LDLRAD3: variants seen among roughly 807,000 people sequenced by gnomAD.
LDLRAD3 encodes low-density lipoprotein receptor class A domain-containing protein 3.
LDLRAD3 carries 20 observed loss-of-function variants against 29.4 expected under a neutral mutation model. The observed-to-expected ratio is 0.68, with a 90% CI of 0.48 to 0.99. The LOEUF (loss-of-function observed/expected upper bound fraction) is 0.99. Among genes scored for constraint, LDLRAD3 ranks in the 50% least tolerant of loss-of-function variants. The pLI is 0.00. For missense variants in LDLRAD3, 420 were observed against 454.3 expected (o/e 0.92, Z 0.69); for synonymous variants, 157 against 192.7 (o/e 0.81, Z 1.53).
chr11:36,082,575 AG>A (rs746711139), intron 3 of LDLRAD3, among the ~76,000 whole-genome samples: 10 of 152,308 alleles, frequency 6.6e-5, no homozygotes, highest in Non-Finnish European at 1.0e-4. Flanking sequence ...AAACAGTTCA[AG>A]TAGCATAGAT....
In LDLRAD3 at chr11:36,007,469, C is replaced by A. The variant is rs112186528; in HGVS notation, c.47-28634C>A. 2.8e-3 allele frequency among the ~76,000 whole-genome samples: 428 copies of A among 152,224 alleles called. 3 individuals carry two copies. The highest frequency in any genetic ancestry group is 0.01 in the African/African-American group (417 of 41,548). On this transcript the variant is annotated intron_variant, in intron 1 of 5. Coordinates refer to ENST00000315571, the MANE Select transcript of LDLRAD3 (RefSeq NM_174902.4). ...CTGAGATCACCCTCTGGTAGGGAGG[C>A]TGGTTAATCATGTTTCCTTTGTGCA...
chr11:36,000,645 G>T (rs2133177204), intron 1 of LDLRAD3, among the ~76,000 whole-genome samples: 1 of 152,252 alleles, frequency 6.6e-6, no homozygotes, highest in Middle Eastern at 3.4e-3. Flanking sequence ...AGGTTGTTTG[G>T]GGTGTCTGGA....
At chr11:36,145,814 G>T (rs11033462) in intron 4 of LDLRAD3, among the ~76,000 whole-genome samples, 3 of 148,436 alleles carry the variant, frequency 2.0e-5, no homozygotes, top group Non-Finnish European at 4.5e-5. Flanking sequence ...GCAGCATGCT[G>T]GTTAAGAGTC....
At chr11:36,052,815 A>G (rs1367345391) in intron 2 of LDLRAD3, among the ~76,000 whole-genome samples, 1 of 152,226 alleles carries the variant, frequency 6.6e-6, no homozygotes, top group Non-Finnish European at 1.5e-5. Context: ...CTTTAAGTAC[A>G]TGCAACTGGT....
At chr11:35,952,441 A>G (rs1251857582) in intron 1 of LDLRAD3, among the ~76,000 whole-genome samples, 1 of 152,222 alleles carries the variant, frequency 6.6e-6, no homozygotes, top group Non-Finnish European at 1.5e-5. Flanking sequence ...GATTCTACTC[A>G]AATGGCCTGT....
chr11:36,010,119 T>C (rs943866831), intron 1 of LDLRAD3: 1 of 154,390 alleles, frequency 6.5e-6, no homozygotes, highest in African/African-American at 2.4e-5. Flanking sequence ...CTCTCTGTAT[T>C]GCTTGTTACA....
At chr11:36,183,983 C>T (rs773775892) in intron 4 of LDLRAD3, 41 of 262,878 alleles carry the variant, frequency 1.6e-4, no homozygotes, top group African/African-American at 7.0e-4. Flanking sequence ...TTTTTTTTCC[C>T]GAGATGGAGT....
At chr11:36,073,668 A>T (rs1330456369) in intron 2 of LDLRAD3, among the ~76,000 whole-genome samples, 1 of 152,276 alleles carries the variant, frequency 6.6e-6, no homozygotes, top group Non-Finnish European at 1.5e-5. Context: ...TGTAAATCAT[A>T]ACAGGACAGG....
At chr11:35,958,616 T>A (rs1270948890) in intron 1 of LDLRAD3, among the ~76,000 whole-genome samples, 1 of 152,200 alleles carries the variant, frequency 6.6e-6, no homozygotes, top group African/African-American at 2.4e-5. Flanking sequence ...GTCTGATCAT[T>A]GGTGTTACTA....
At chr11:35,994,950 C>G (rs1851735556) in intron 1 of LDLRAD3, among the ~76,000 whole-genome samples, 1 of 152,204 alleles carries the variant, frequency 6.6e-6, no homozygotes, top group Non-Finnish European at 1.5e-5. Context: ...TTCTTTTGCT[C>G]TTTCCACTAC....
At chr11:36,154,562 TG>T (rs749493735) in intron 4 of LDLRAD3, among the ~76,000 whole-genome samples, 4 of 152,214 alleles carry the variant, frequency 2.6e-5, no homozygotes, top group Non-Finnish European at 4.4e-5. Context: ...AATTGTTTGT[TG>T]TTGTCTAACC....
intron 4 of LDLRAD3, among the ~76,000 whole-genome samples, chr11:36,217,280 T>C (rs1003152234): frequency 2.0e-5 from 3 of 152,048 alleles, no homozygotes; most frequent in African/African-American, 4.8e-5. Context: ...CACTGTGGAG[T>C]ACCTGTTGTA....
chr11:36,032,985 C>T (rs1852254524), intron 1 of LDLRAD3, among the ~76,000 whole-genome samples: 1 of 152,002 alleles, frequency 6.6e-6, no homozygotes, highest in Non-Finnish European at 1.5e-5. Flanking sequence ...AGCGATTCTC[C>T]TGCCTCAGAC....
chr11:36,157,458 A>G, intron 4 of LDLRAD3, among the ~76,000 whole-genome samples: 1 of 152,140 alleles, frequency 6.6e-6, no homozygotes, highest in East Asian at 1.9e-4. Context: ...GATTTTTAAA[A>G]TTTCTTTTTA....
chr11:36,116,324 C>G (rs1853673655), intron 4 of LDLRAD3, among the ~76,000 whole-genome samples: 1 of 152,148 alleles, frequency 6.6e-6, no homozygotes, highest in Non-Finnish European at 1.5e-5. Context: ...AAGCCAGCGT[C>G]CCAGCTTGGT....
chr11:35,967,494 A>G, intron 1 of LDLRAD3: 1 of 359,510 alleles, frequency 2.8e-6, no homozygotes, highest in South Asian at 2.2e-5. Context: ...TCCTCTTGCA[A>G]AATCTCATTT....
At chr11:36,181,842 GA>G (rs1239154245) in intron 4 of LDLRAD3, among the ~76,000 whole-genome samples, 2 of 152,172 alleles carry the variant, frequency 1.3e-5, no homozygotes, top group African/African-American at 2.4e-5. Flanking sequence ...CCTGAGTGGG[GA>G]TGAGAGGATG....
At chr11:36,110,619 T>A (rs1350085760) in intron 4 of LDLRAD3, among the ~76,000 whole-genome samples, 1 of 152,186 alleles carries the variant, frequency 6.6e-6, no homozygotes, top group African/African-American at 2.4e-5. Context: ...TTTGACTCTC[T>A]TGGGTCTTTC....
chr11:36,034,876 G>A (rs1286091878), intron 1 of LDLRAD3, among the ~76,000 whole-genome samples: 1 of 152,200 alleles, frequency 6.6e-6, no homozygotes, highest in Non-Finnish European at 1.5e-5. Flanking sequence ...CACGCATAAA[G>A]GATAGTGGCC....
Sources: gnomAD v4.1 joint callset for allele counts (sites outside exome capture counted in the v4.1 genomes callset) on GRCh38, gnomAD v4.1.1 for gene constraint, MANE v1.5 for transcripts, NCBI Gene and HGNC (gene_info 2026-07-23, HGNC 2026-07-21) for gene names.